ACTN4: variants seen among roughly 807,000 people sequenced by gnomAD.
The protein encoded by ACTN4 is actinin alpha 4.
Under a neutral mutation model 114.2 loss-of-function variants are expected in ACTN4, and 18 were observed. The observed-to-expected ratio is 0.16, with a 90% CI of 0.11 to 0.23. The LOEUF (loss-of-function observed/expected upper bound fraction) is 0.23. Ranked by LOEUF, ACTN4 falls within the 10% of genes least tolerant of loss-of-function variation. The pLI is 1.00. For missense variants in ACTN4, 722 were observed against 1,262.9 expected (o/e 0.57, Z 6.49); for synonymous variants, 515 against 506.3 (o/e 1.02, Z -0.23).
At chr19:38,674,572 A>G (rs1450666247) in intron 1 of ACTN4, among the ~76,000 whole-genome samples, 1 of 152,164 alleles carries the variant, frequency 6.6e-6, no homozygotes, top group African/African-American at 2.4e-5. Flanking sequence ...CTCTTTCTTC[A>G]GCTTCACTTT....
intron 1 of ACTN4, among the ~76,000 whole-genome samples, chr19:38,653,638 C>G (rs551616334): frequency 6.6e-6 from 1 of 152,200 alleles, no homozygotes; most frequent in Non-Finnish European, 1.5e-5. Flanking sequence ...TAATGAACTC[C>G]GTGTTTTCAT....
rs1248121731 is a variant in ACTN4, at chr19:38,729,884, C to T, written c.*452C>T. ...GAGGGGCCAGCAGAGGGCGCCACCA[C>T]CACCTGACGGCTGGGGACCCACCCA... On this transcript the variant is annotated 3_prime_UTR_variant, in exon 21 of 21. Transcript: ENST00000252699. The T allele has an allele frequency of 2.8e-6, 1 of 357,814 alleles. No individual in the cohort carries two copies. The highest frequency in any genetic ancestry group is 7.4e-5 in the East Asian group (1 of 13,508). The allele number at this position is 357,814 out of a possible 1,614,324, so 22.2% of individuals were successfully genotyped here.
chr19:38,701,943 G>A (rs180841568), intron 3 of ACTN4, among the ~76,000 whole-genome samples: 1 of 152,380 alleles, frequency 6.6e-6, no homozygotes, highest in East Asian at 1.9e-4. Flanking sequence ...GCCAGAATGT[G>A]TGTGCTGAGT....
chr19:38,694,306 C>T (rs959896221), intron 1 of ACTN4, among the ~76,000 whole-genome samples: 11 of 151,570 alleles, frequency 7.3e-5, no homozygotes, highest in Non-Finnish European at 2.9e-5. Context: ...GTCTCCCAGG[C>T]TGGAGTGCAG....
intron 1 of ACTN4, among the ~76,000 whole-genome samples, chr19:38,649,299 GA>G (rs922950126): frequency 1.6e-4 from 21 of 129,542 alleles, no homozygotes; most frequent in Admixed American, 1.6e-3. Context: ...CAGTGTGGTT[GA>G]GGGGGGAGCT....
chr19:38,651,314 C>G (rs939765316), intron 1 of ACTN4, among the ~76,000 whole-genome samples: 1 of 152,146 alleles, frequency 6.6e-6, no homozygotes, highest in Non-Finnish European at 1.5e-5. Context: ...ACCCCTGTAA[C>G]CCGTAAGTAG....
chr19:38,661,650 T>A (rs530263413), intron 1 of ACTN4, among the ~76,000 whole-genome samples: 373 of 152,076 alleles, frequency 2.5e-3, no homozygotes, highest in Non-Finnish European at 3.7e-3. Context: ...CCTGATTTAT[T>A]TTTATTTATT....
At chr19:38,701,594 G>T (rs1173459847) in intron 3 of ACTN4, among the ~76,000 whole-genome samples, 1 of 152,234 alleles carries the variant, frequency 6.6e-6, no homozygotes. Context: ...AAAGGTCAGT[G>T]CCTAGACTTT....
In ACTN4 at chr19:38,679,222, C is replaced by T. The variant is rs538216388; in HGVS notation, c.163-21378C>T. Among the ~76,000 whole-genome samples, 4 of 152,292 alleles carry T rather than the reference C, an allele frequency of 2.6e-5. No individual in the cohort carries two copies. The South Asian group carries it at 8.3e-4, about 32-fold the overall frequency. On this transcript the variant is annotated intron_variant, in intron 1 of 20. Coordinates refer to ENST00000252699, the MANE Select transcript of ACTN4 (RefSeq NM_004924.6). The stretch of plus-strand genomic sequence containing the variant: ...ATTTTCTTATTTCCCGAATACTTCT[C>T]AGCCCCACAAGTCCACTGAGTCTTC...
chr19:38,709,301 C>T (rs757590439), intron 6 of ACTN4, 94 bp from the exon 7 acceptor site: 323 of 949,794 alleles, frequency 3.4e-4, no homozygotes, highest in Middle Eastern at 2.3e-3. Context: ...CCCTCGCCCT[C>T]CCGGGTCTCT....
At chr19:38,721,475 C>G in intron 11 of ACTN4, 63 bp from the exon 12 acceptor site, 2 of 1,595,836 alleles carry the variant, frequency 1.3e-6, no homozygotes, top group South Asian at 2.2e-5. Context: ...CTTGGACAGC[C>G]CCTCCAGACT....
At position 38,730,846 on chromosome 19, in the gene ACTN4, G is replaced by A; in HGVS notation, c.*1414G>A. On this transcript the variant is annotated 3_prime_UTR_variant, in exon 21 of 21. Transcript: ENST00000252699. Reference sequence around the variant, plus strand: ...CCTGAGCAGCAGGTGCGCCCATCCGGAGATCCTAGGAGAAGGTGGCCACCT... The same window carrying A: ...CCTGAGCAGCAGGTGCGCCCATCCGAAGATCCTAGGAGAAGGTGGCCACCT... The A allele has an allele frequency of 6.4e-7, 1 of 1,551,044 alleles. No individual in the cohort carries two copies. Among genetic ancestry groups the A allele is most frequent in the Non-Finnish European group, 8.7e-7 (1 of 1,147,252 alleles).
intron 1 of ACTN4, among the ~76,000 whole-genome samples, chr19:38,684,648 T>C (rs1475864676): frequency 1.3e-5 from 2 of 152,164 alleles, no homozygotes; most frequent in East Asian, 3.8e-4. Flanking sequence ...GGGCAGATGT[T>C]TCACCATTTT....
intron 1 of ACTN4, among the ~76,000 whole-genome samples, chr19:38,699,486 G>C (rs1968198173): frequency 6.6e-6 from 1 of 152,142 alleles, no homozygotes; most frequent in Non-Finnish European, 1.5e-5. Context: ...TGGGTGTGGT[G>C]GCTCACGCCT....
chr19:38,722,802 C>T (rs1192613081), intron 12 of ACTN4, among the ~76,000 whole-genome samples: 4 of 152,202 alleles, frequency 2.6e-5, no homozygotes. Flanking sequence ...GGCTTGCCCC[C>T]TTCTCAGGCC....
chr19:38,683,161 G>C (rs576130450), intron 1 of ACTN4, among the ~76,000 whole-genome samples: 1 of 152,204 alleles, frequency 6.6e-6, no homozygotes, highest in Non-Finnish European at 1.5e-5. Context: ...GGAGTGCCTG[G>C]GAGGGGCTAT....
In ACTN4 at chr19:38,647,653, C is replaced by T. The variant is rs1976420263; in HGVS notation, c.-93C>T. On this transcript the variant is annotated 5_prime_UTR_variant, in exon 1 of 21. Coordinates refer to ENST00000252699, the MANE Select transcript of ACTN4 (RefSeq NM_004924.6). ...GGCGCGGGCGGAGGGCGGGCTGAAGCAGCTGAAGCGGCGGTAGCGGCGGCG... is the reference window on the plus strand; with the variant it reads ...GGCGCGGGCGGAGGGCGGGCTGAAGTAGCTGAAGCGGCGGTAGCGGCGGCG... 4.8e-6 allele frequency: 7 copies of T among 1,450,064 alleles called. No individual in the cohort carries two copies. Among genetic ancestry groups the T allele is most frequent in the Non-Finnish European group, 6.4e-6 (7 of 1,096,522 alleles). The allele number at this position is 1,450,064 out of a possible 1,614,324, so 89.8% of individuals were successfully genotyped here.
intron 1 of ACTN4, among the ~76,000 whole-genome samples, chr19:38,650,401 G>A (rs1181764001): frequency 6.6e-6 from 1 of 152,112 alleles, no homozygotes; most frequent in African/African-American, 2.4e-5. Flanking sequence ...TCCAGGCCTT[G>A]CTGCCATGTG....
chr19:38,725,830 T>C lies in ACTN4; in HGVS notation c.2117T>C (p.Leu706Pro). The C allele has an allele frequency of 1.9e-6, 3 of 1,614,196 alleles. No individual in the cohort carries two copies. Among genetic ancestry groups the C allele is most frequent in the Non-Finnish European group, 2.5e-6 (3 of 1,180,050 alleles). The change falls in exon 17 of 21, where the codon CTG becomes CCG. Residue 706 changes from leucine (L) to proline (P), a missense_variant. Physicochemically the swap from Leu to Pro is moderately conservative, Grantham distance 98 (BLOSUM62 -3). Coordinates refer to ENST00000252699, the MANE Select transcript of ACTN4 (RefSeq NM_004924.6). ...SIVDYKPNLDLLEQQHQLIQE... is the reference protein window; with the variant it reads ...SIVDYKPNLDPLEQQHQLIQE... ...GTGGACTACAAGCCCAACCTGGACC[T>C]GCTGGAGCAGCAGCACCAGCTCATC...
Sources: allele counts gnomAD v4.1 joint callset (sites outside exome capture counted in the v4.1 genomes callset), GRCh38; gene constraint gnomAD v4.1.1; transcripts MANE v1.5; gene names NCBI Gene and HGNC (gene_info 2026-07-23, HGNC 2026-07-21).